The following CWC27 variants were observed in gnomAD, a reference collection of about 807,000 sequenced individuals.
The protein encoded by CWC27 is CWC27 spliceosome associated cyclophilin, also known as spliceosome-associated protein CWC27 homolog.
A neutral mutation model predicts 63.6 loss-of-function variants in CWC27; 47 were observed. The ratio of observed to expected loss-of-function variants is 0.74; its 90% confidence interval spans 0.58 to 0.94. The LOEUF is 0.94. Ranked by LOEUF, CWC27 falls within the 40% of genes least tolerant of loss-of-function variation. CWC27 has a pLI of 0.00. For synonymous variants in CWC27, 175 were observed against 179.8 expected, an observed-to-expected ratio of 0.97 and a Z score of 0.22; for missense variants, 495 against 554.3, an observed-to-expected ratio of 0.89 and a Z score of 1.07.
At chr5:64,881,779 C>A (rs1345386538) in intron 10 of CWC27, among the ~76,000 whole-genome samples, 1 of 152,146 alleles carries the variant, frequency 6.6e-6, no homozygotes, top group Non-Finnish European at 1.5e-5. Flanking sequence ...TTCTTTGCCT[C>A]ATTCTTTGTG....
intron 10 of CWC27, among the ~76,000 whole-genome samples, chr5:64,811,305 T>C (rs1024367909): frequency 1.3e-5 from 2 of 152,042 alleles, no homozygotes; most frequent in African/African-American, 4.8e-5. Context: ...ATCTGTATAT[T>C]GATACATAAT....
intron 11 of CWC27, among the ~76,000 whole-genome samples, chr5:64,912,932 A>G (rs1023412663): frequency 1.3e-5 from 2 of 152,186 alleles, no homozygotes; most frequent in Non-Finnish European, 2.9e-5. Context: ...TATGAAGCCA[A>G]CATAATCTTG....
intron 10 of CWC27, among the ~76,000 whole-genome samples, chr5:64,838,381 C>T (rs1205907988): frequency 1.3e-5 from 2 of 152,088 alleles, no homozygotes; most frequent in Non-Finnish European, 2.9e-5. Context: ...TAACAATATA[C>T]ATATAGATTA....
intron 10 of CWC27, among the ~76,000 whole-genome samples, chr5:64,805,505 A>G (rs889858302): frequency 3.3e-5 from 5 of 151,908 alleles, no homozygotes; most frequent in African/African-American, 1.2e-4. Context: ...TTATGGATAC[A>G]TAATGTTTTA....
At chr5:64,788,737 A>G (rs1042171460) in intron 6 of CWC27, among the ~76,000 whole-genome samples, 10 of 152,132 alleles carry the variant, frequency 6.6e-5, no homozygotes, top group African/African-American at 2.4e-4. Context: ...AATATAGGAA[A>G]CATTGGTGCT....
intron 11 of CWC27, among the ~76,000 whole-genome samples, chr5:64,923,522 C>T (rs773633944): frequency 6.7e-6 from 1 of 149,656 alleles, no homozygotes; most frequent in East Asian, 2.0e-4. Flanking sequence ...TAACCTCTCT[C>T]GGTGCATCTG....
intron 11 of CWC27, among the ~76,000 whole-genome samples, chr5:64,957,053 T>C (rs1422125842): frequency 6.6e-6 from 1 of 152,178 alleles, no homozygotes; most frequent in African/African-American, 2.4e-5. Flanking sequence ...TAAAGAATAC[T>C]CTGCAATACC....
chr5:64,835,607 G>A (rs1314837324), intron 10 of CWC27, among the ~76,000 whole-genome samples: 1 of 151,720 alleles, frequency 6.6e-6, no homozygotes, highest in Non-Finnish European at 1.5e-5. Flanking sequence ...GGAATAATTT[G>A]CCACGAACTG....
intron 11 of CWC27, among the ~76,000 whole-genome samples, chr5:64,955,769 C>A (rs1186514151): frequency 6.6e-6 from 1 of 151,848 alleles, no homozygotes; most frequent in East Asian, 1.9e-4. Flanking sequence ...CAGTCAGAAA[C>A]AACTGGATAT....
At chr5:64,808,046 CTTTT>C in intron 10 of CWC27, 1 of 1,328,198 alleles carries the variant, frequency 7.5e-7, no homozygotes, top group East Asian at 3.3e-5. Context: ...ATTTTTGTCT[CTTTT>C]CTCTTGAGAC....
chr5:64,787,220 G>T (rs1743918733), intron 6 of CWC27, among the ~76,000 whole-genome samples: 1 of 111,110 alleles, frequency 9.0e-6, no homozygotes, highest in Admixed American at 8.3e-5. Context: ...AACCATATTA[G>T]TGGTTTTGTT....
intron 11 of CWC27, among the ~76,000 whole-genome samples, chr5:64,889,328 A>T (rs1431752751): frequency 6.6e-6 from 1 of 152,220 alleles, no homozygotes; most frequent in Non-Finnish European, 1.5e-5. Flanking sequence ...ATGGTCACGG[A>T]AGGCCTTAAC....
intron 10 of CWC27, among the ~76,000 whole-genome samples, chr5:64,805,167 T>C (rs1028371424): frequency 2.0e-5 from 3 of 151,892 alleles, no homozygotes; most frequent in Non-Finnish European, 4.4e-5. Flanking sequence ...TTAAAAAGGA[T>C]TTCCACGCTA....
At chr5:64,976,592 G>A (rs1344428048) in intron 12 of CWC27, among the ~76,000 whole-genome samples, 2 of 151,806 alleles carry the variant, frequency 1.3e-5, no homozygotes, top group Admixed American at 1.3e-4. Context: ...GAGTGCAGTG[G>A]CACAATCATA....
chr5:64,998,847 G>A (rs893493113), intron 13 of CWC27, among the ~76,000 whole-genome samples: 1 of 151,278 alleles, frequency 6.6e-6, no homozygotes, highest in African/African-American at 2.4e-5. Context: ...TTCTCTTACT[G>A]TTGATTTTTA....
In CWC27 at chr5:64,783,961, G is replaced by A. The variant is rs994560979; in HGVS notation, c.378G>A (p.Lys126=). The change falls in exon 4 of 14, where the codon AAG becomes AAA. Residue 126 remains lysine, a synonymous_variant. Coordinates refer to ENST00000381070, the MANE Select transcript of CWC27 (RefSeq NM_005869.4). The stretch of plus-strand genomic sequence containing the variant: ...GTCGAGCAGATGAACTTAACAATAA[G>A]CATACCATCTTTGGAAAGGTTAGTG... The part of the protein sequence containing the change: ...TLGRADELNN[K]HTIFGKVTGD... The A allele has an allele frequency of 3.2e-6, 5 of 1,586,434 alleles. No homozygotes were observed. Among genetic ancestry groups the A allele is most frequent in the Non-Finnish European group, 4.3e-6 (5 of 1,168,132 alleles).
chr5:64,801,866 A>G (rs1453558690), intron 9 of CWC27, among the ~76,000 whole-genome samples: 3 of 152,212 alleles, frequency 2.0e-5, no homozygotes, highest in South Asian at 4.1e-4. Flanking sequence ...CAAATTATAC[A>G]TATGCCACTT....
chr5:64,911,780 A>C (rs1747789907), intron 11 of CWC27, among the ~76,000 whole-genome samples: 1 of 152,144 alleles, frequency 6.6e-6, no homozygotes, highest in Non-Finnish European at 1.5e-5. Flanking sequence ...GGTTAACTGA[A>C]AGTAGACAGA....
At chr5:64,980,774 T>G (rs1478271097) in intron 13 of CWC27, among the ~76,000 whole-genome samples, 1 of 152,200 alleles carries the variant, frequency 6.6e-6, no homozygotes, top group African/African-American at 2.4e-5. Flanking sequence ...AGTAAATATT[T>G]TACTGATTAT....
Sources: allele counts gnomAD v4.1 joint callset (sites outside exome capture counted in the v4.1 genomes callset), GRCh38; gene constraint gnomAD v4.1.1; transcripts MANE v1.5; gene names NCBI Gene and HGNC (gene_info 2026-07-23, HGNC 2026-07-21).